INTS8: variants seen among roughly 807,000 people sequenced by gnomAD.
The protein encoded by INTS8 is integrator complex subunit 8.
Under a neutral mutation model 138.9 loss-of-function variants are expected in INTS8, and 47 were observed. That is an observed-to-expected ratio of 0.34 (90% CI 0.27 to 0.43). The LOEUF is 0.43. INTS8 is among the 20% of genes least tolerant of loss of function. INTS8 has a pLI of 1.00. For missense variants in INTS8, 996 were observed against 1,173.0 expected (o/e 0.85, Z 2.20); for synonymous variants, 392 against 400.9 (o/e 0.98, Z 0.27).
At chr8:94,857,993 T>A (rs1291365527) in intron 15 of INTS8, among the ~76,000 whole-genome samples, 1 of 152,238 alleles carries the variant, frequency 6.6e-6, no homozygotes, top group Admixed American at 6.5e-5. Flanking sequence ...TCACACTGAT[T>A]GCCAGTGGGC....
intron 7 of INTS8, among the ~76,000 whole-genome samples, chr8:94,838,154 C>A (rs1815001770): frequency 6.6e-6 from 1 of 151,796 alleles, no homozygotes; most frequent in African/African-American, 2.4e-5. Context: ...CGGGCTCAAG[C>A]CATTCTCCTA....
chr8:94,824,117 T>C (rs1030787834), intron 1 of INTS8, among the ~76,000 whole-genome samples: 1 of 152,210 alleles, frequency 6.6e-6, no homozygotes, highest in African/African-American at 2.4e-5. Context: ...CTTTGTATAG[T>C]GATGATAATG....
chr8:94,860,422 A>G (rs1815912636), intron 16 of INTS8: 1 of 151,922 alleles, frequency 6.6e-6, no homozygotes, highest in Non-Finnish European at 1.5e-5. Flanking sequence ...TCTACTGAAA[A>G]TACAAAAATT....
intron 4 of INTS8, 140 bp from the exon 5 acceptor site, chr8:94,828,835 T>G (rs1814607127): frequency 3.1e-6 from 2 of 639,674 alleles, no homozygotes; most frequent in Admixed American, 2.9e-5. Context: ...AGGGTTTTGT[T>G]TTTTCAAACA....
At chr8:94,853,500 T>A (rs1395745384) in intron 13 of INTS8, among the ~76,000 whole-genome samples, 1 of 152,210 alleles carries the variant, frequency 6.6e-6, no homozygotes, top group African/African-American at 2.4e-5. Flanking sequence ...ATGACAGTAG[T>A]AGCATAATAG....
Position 94,827,421 on chromosome 8 carries a change from C to G in INTS8, c.446+18C>G, listed in dbSNP as rs1814550317. ...AATAGATGGTAAATGTTTTCATAAA[C>G]TCAGAAGGCGTTGGGCAACCTCTGT... On this transcript the variant is annotated intron_variant, in intron 3 of 26. Transcript: ENST00000523731. 1.2e-6 allele frequency: 2 copies of G among 1,613,440 alleles called. No individual in the cohort carries two copies. Among genetic ancestry groups the G allele is most frequent in the East Asian group, 2.2e-5 (1 of 44,876 alleles).
intron 20 of INTS8, among the ~76,000 whole-genome samples, chr8:94,868,178 C>T (rs1241090982): frequency 6.6e-6 from 1 of 152,082 alleles, no homozygotes; most frequent in African/African-American, 2.4e-5. Context: ...AAAAAGGGTT[C>T]ATTTACTTGA....
intron 13 of INTS8, among the ~76,000 whole-genome samples, chr8:94,852,732 G>A (rs1421791511): frequency 6.6e-6 from 1 of 151,960 alleles, no homozygotes; most frequent in Admixed American, 6.6e-5. Flanking sequence ...GGGATTACAG[G>A]CATGCCCCCA....
At chr8:94,876,351 T>C in intron 25 of INTS8, 66 bp downstream of exon 25, 3 of 1,444,484 alleles carry the variant, frequency 2.1e-6, no homozygotes, top group South Asian at 1.2e-5. Flanking sequence ...GAATATTTAA[T>C]ATTGTATATT....
At chr8:94,870,741 T>A (rs146049535) in intron 20 of INTS8, among the ~76,000 whole-genome samples, 2 of 152,344 alleles carry the variant, frequency 1.3e-5, no homozygotes, top group African/African-American at 4.8e-5. Flanking sequence ...TAGGGTAAAC[T>A]GTAACCCCTC....
intron 20 of INTS8, among the ~76,000 whole-genome samples, chr8:94,870,874 GTT>G (rs968402991): frequency 6.6e-6 from 1 of 152,084 alleles, no homozygotes; most frequent in African/African-American, 2.4e-5. Flanking sequence ...GCAGTTAGCA[GTT>G]TTTTGGGTGC....
chr8:94,826,506 A>G (rs1814510280), intron 2 of INTS8, among the ~76,000 whole-genome samples: 1 of 152,242 alleles, frequency 6.6e-6, no homozygotes, highest in Admixed American at 6.5e-5. Context: ...AACAGATAGC[A>G]ATGGGTACAA....
chr8:94,826,729 C>A (rs746423368), intron 2 of INTS8, among the ~76,000 whole-genome samples: 16 of 151,900 alleles, frequency 1.1e-4, no homozygotes, highest in Non-Finnish European at 8.8e-5. Flanking sequence ...GTGATAATTG[C>A]TAGATGATGG....
At chr8:94,855,498 G>A (rs999970285) in intron 14 of INTS8, among the ~76,000 whole-genome samples, 2 of 152,138 alleles carry the variant, frequency 1.3e-5, no homozygotes, top group Non-Finnish European at 2.9e-5. Flanking sequence ...CCATTGAAAA[G>A]TTTTAATAGG....
At position 94,863,322 on chromosome 8, in the gene INTS8, C is replaced by T. The variant is rs569295070; in HGVS notation, c.2077-2184C>T. ...TGTGCTGGCAGCACCAGCATGCCCA[C>T]GCCATGTTTCCATTCTGCACCTGTG... On this transcript the variant is annotated intron_variant, in intron 16 of 26. Coordinates refer to ENST00000523731, the MANE Select transcript of INTS8 (RefSeq NM_017864.4). Among the ~76,000 whole-genome samples, 29 of 152,350 alleles carry T rather than the reference C, an allele frequency of 1.9e-4. No individual in the cohort carries two copies. In the South Asian group the frequency reaches 5.6e-3, roughly 29 times the overall value.
intron 15 of INTS8, 150 bp downstream of exon 15, chr8:94,857,128 A>C (rs572958830): frequency 9.5e-6 from 6 of 630,864 alleles, no homozygotes; most frequent in Admixed American, 6.4e-5. Context: ...GCTGGAGTGT[A>C]ATGGCGCGAT....
At position 94,881,242 on chromosome 8, in the gene INTS8, G is replaced by GT; in HGVS notation, c.*1009dup. 5.7e-6 allele frequency: 2 copies of GT among 353,526 alleles called. No individual in the cohort carries two copies. Among genetic ancestry groups the GT allele is most frequent in the Non-Finnish European group, 1.0e-5 (2 of 198,904 alleles). 21.9% of individuals were successfully genotyped at this position (353,526 alleles called of 1,614,324 possible). A position where few individuals can be genotyped will look rare whatever the true frequency, so the allele number is the denominator to read the frequency against. On this transcript the variant is annotated 3_prime_UTR_variant, in exon 27 of 27. Coordinates refer to ENST00000523731, the MANE Select transcript of INTS8 (RefSeq NM_017864.4). ...ATCTAACAACTAGATTCAAAGTACT[G>GT]TATCACTTAGTATACCCTTTAAGGT... is the stretch of plus-strand genomic sequence containing the variant.
chr8:94,876,181 C>T (rs768274878), intron 24 of INTS8, 34 bp downstream of exon 24: 3 of 1,601,650 alleles, frequency 1.9e-6, no homozygotes, highest in South Asian at 2.2e-5. Context: ...ATGAGGTCAA[C>T]ATTTTTCTGC....
At chr8:94,844,521 T>C (rs1165706821) in intron 10 of INTS8, among the ~76,000 whole-genome samples, 2 of 152,160 alleles carry the variant, frequency 1.3e-5, no homozygotes, top group East Asian at 3.9e-4. Context: ...TTTGCCATTT[T>C]GGCCAGGCTG....
Sources: allele counts gnomAD v4.1 joint callset (sites outside exome capture counted in the v4.1 genomes callset), GRCh38; gene constraint gnomAD v4.1.1; transcripts MANE v1.5; gene names NCBI Gene and HGNC (gene_info 2026-07-23, HGNC 2026-07-21).